The following FOXP2 variants were observed in gnomAD, a reference collection of about 807,000 sequenced individuals.
The protein encoded by FOXP2 is forkhead box P2, also known as forkhead box protein P2.
In FOXP2, 12 loss-of-function variants were observed where a neutral mutation model predicts 115.8. That is an observed-to-expected ratio of 0.10 (90% CI 0.07 to 0.17). The LOEUF is 0.17. Ranked by LOEUF, FOXP2 falls within the 10% of genes least tolerant of loss-of-function variation. The pLI is 1.00. For missense variants in FOXP2, 629 were observed against 843.5 expected (o/e 0.75, Z 3.15); for synonymous variants, 328 against 297.7 (o/e 1.10, Z -1.05).
intron 3 of FOXP2, among the ~76,000 whole-genome samples, chr7:114,567,240 G>C (rs960787332): frequency 6.6e-6 from 1 of 151,998 alleles, no homozygotes. Flanking sequence ...TAAGTATATA[G>C]CTAATAAATG....
At chr7:114,148,071 G>C (rs572384305) in intron 1 of FOXP2, among the ~76,000 whole-genome samples, 17 of 152,284 alleles carry the variant, frequency 1.1e-4, no homozygotes, top group South Asian at 2.1e-4. Context: ...TTGAGCCTGG[G>C]CATTAACCAC....
chr7:114,223,218 C>T (rs536966598), intron 1 of FOXP2, among the ~76,000 whole-genome samples: 7 of 151,996 alleles, frequency 4.6e-5, no homozygotes, highest in Non-Finnish European at 1.0e-4. Flanking sequence ...TACACTTCTA[C>T]CAACACATGT....
intron 3 of FOXP2, among the ~76,000 whole-genome samples, chr7:114,550,020 T>C (rs1207623065): frequency 6.6e-6 from 1 of 152,058 alleles, no homozygotes; most frequent in East Asian, 1.9e-4. Context: ...AGTTAAACTC[T>C]TAATACCAAG....
intron 2 of FOXP2, among the ~76,000 whole-genome samples, chr7:114,480,277 T>C (rs1412838845): frequency 6.6e-6 from 1 of 151,538 alleles, no homozygotes; most frequent in Non-Finnish European, 1.5e-5. Flanking sequence ...CTTCCTCCTC[T>C]GTTGTAACTG....
intron 1 of FOXP2, among the ~76,000 whole-genome samples, chr7:114,132,699 G>A (rs1016841018): frequency 1.3e-5 from 2 of 151,700 alleles, no homozygotes; most frequent in Non-Finnish European, 1.5e-5. Flanking sequence ...TCTAAAATCA[G>A]TGAAGGAAAG....
At chr7:114,627,931 C>T (rs1804683189) in intron 3 of FOXP2, among the ~76,000 whole-genome samples, 1 of 151,608 alleles carries the variant, frequency 6.6e-6, no homozygotes. Context: ...CACACAGACA[C>T]ACACACACAT....
At chr7:114,516,880 G>T (rs759621018) in intron 2 of FOXP2, among the ~76,000 whole-genome samples, 35 of 152,028 alleles carry the variant, frequency 2.3e-4, no homozygotes, top group Non-Finnish European at 4.0e-4. Flanking sequence ...ATTTTTAGTA[G>T]AGATGGGGTT....
At chr7:114,653,355 G>A (rs1041306234) in intron 9 of FOXP2, 1 of 158,770 alleles carries the variant, frequency 6.3e-6, no homozygotes, top group Non-Finnish European at 1.4e-5. Context: ...AGTAAGGTCC[G>A]TCAGTTGTAA....
chr7:114,379,595 G>A (rs1393449759), intron 2 of FOXP2, among the ~76,000 whole-genome samples: 2 of 152,114 alleles, frequency 1.3e-5, no homozygotes, highest in Admixed American at 6.5e-5. Flanking sequence ...AGGGGTCCAC[G>A]GTGGATCTTA....
intron 2 of FOXP2, among the ~76,000 whole-genome samples, chr7:114,394,602 A>T (rs1315655847): frequency 6.6e-6 from 1 of 152,226 alleles, no homozygotes; most frequent in Non-Finnish European, 1.5e-5. Flanking sequence ...GAACATTATA[A>T]GAGATACCCT....
rs529914104 is a variant in FOXP2, at chr7:114,380,101, G to A, written c.-10-46401G>A. Among the ~76,000 whole-genome samples, 206 of 152,234 alleles carry A rather than the reference G, an allele frequency of 1.4e-3. 1 individual carries two copies. Among genetic ancestry groups the A allele is most frequent in the African/African-American group, 4.7e-3 (195 of 41,548 alleles). ...CATTTGGCTTCAATACCCGCTTGGC[G>A]GTTCCCTTCTATTTCCCTTTCCTTT... On this transcript the variant is annotated intron_variant, in intron 2 of 17. Coordinates refer to the FOXP2 transcript ENST00000634411.
intron 13 of FOXP2, 110 bp from the exon 14 acceptor site, chr7:114,661,955 A>G: frequency 7.3e-7 from 1 of 1,367,112 alleles, no homozygotes; most frequent in Non-Finnish European, 1.0e-6. Flanking sequence ...ATACTTAAAC[A>G]TGTTAAGATT....
intron 6 of FOXP2, among the ~76,000 whole-genome samples, chr7:114,633,426 G>A (rs914970693): frequency 1.3e-5 from 2 of 152,106 alleles, no homozygotes; most frequent in Middle Eastern, 3.4e-3. Flanking sequence ...AGAAAATGGC[G>A]AACATTTAGG....
chr7:114,613,280 C>A (rs753155412), intron 3 of FOXP2, among the ~76,000 whole-genome samples: 2 of 152,002 alleles, frequency 1.3e-5, no homozygotes, highest in Non-Finnish European at 2.9e-5. Context: ...TAGAGACAAC[C>A]AATATTATCA....
intron 2 of FOXP2, among the ~76,000 whole-genome samples, chr7:114,399,244 A>C (rs1197969267): frequency 6.6e-6 from 1 of 151,562 alleles, no homozygotes; most frequent in Non-Finnish European, 1.5e-5. Context: ...AGTAGCTGTG[A>C]TTACAGGCAC....
chr7:114,442,096 A>G (rs1029718916), intron 2 of FOXP2, among the ~76,000 whole-genome samples: 3 of 152,206 alleles, frequency 2.0e-5, no homozygotes, highest in South Asian at 2.1e-4. Context: ...TGGAAATACC[A>G]CAAATGTACA....
chr7:114,515,833 C>T (rs1798313267), intron 2 of FOXP2, among the ~76,000 whole-genome samples: 1 of 152,134 alleles, frequency 6.6e-6, no homozygotes, highest in Non-Finnish European at 1.5e-5. Context: ...AATAAAATAC[C>T]GAGGAATCCA....
At chr7:114,462,695 CAT>C (rs1321331730) in intron 2 of FOXP2, among the ~76,000 whole-genome samples, 1 of 152,104 alleles carries the variant, frequency 6.6e-6, no homozygotes, top group African/African-American at 2.4e-5. Flanking sequence ...CTTTTCACAT[CAT>C]AGTCTTTGAG....
At chr7:114,456,267 C>G (rs186311221) in intron 2 of FOXP2, among the ~76,000 whole-genome samples, 4 of 152,282 alleles carry the variant, frequency 2.6e-5, no homozygotes, top group Non-Finnish European at 5.9e-5. Flanking sequence ...TGCTAGATCA[C>G]AGAGAAGTTT....
Sources: gnomAD v4.1 joint callset for allele counts (sites outside exome capture counted in the v4.1 genomes callset) on GRCh38, gnomAD v4.1.1 for gene constraint, MANE v1.5 for transcripts, NCBI Gene and HGNC (gene_info 2026-07-23, HGNC 2026-07-21) for gene names.